The following RMDN2 variants were observed in gnomAD, a reference collection of about 807,000 sequenced individuals.
RMDN2 encodes regulator of microtubule dynamics 2, also known as regulator of microtubule dynamics protein 2.
A neutral mutation model predicts 52.8 loss-of-function variants in RMDN2; 61 were observed. The observed-to-expected ratio is 1.16, with a 90% CI of 0.94 to 1.43. The LOEUF (loss-of-function observed/expected upper bound fraction) is 1.43, where lower values mean the gene tolerates loss of function less well. Ranked by LOEUF, RMDN2 falls within the 40% of genes most tolerant of loss-of-function variation. RMDN2 has a pLI of 0.00. For missense variants in RMDN2, 592 were observed against 475.3 expected, an observed-to-expected ratio of 1.25 and a Z score of -2.28; for synonymous variants, 180 against 153.1, an observed-to-expected ratio of 1.18 and a Z score of -1.30.
chr2:37,966,416 TAAA>T (rs749707294), intron 2 of RMDN2, among the ~76,000 whole-genome samples: 1 of 140,020 alleles, frequency 7.1e-6, no homozygotes. Flanking sequence ...GGCTCTGTCT[TAAA>T]AAAAAAAAAA....
intron 2 of RMDN2, among the ~76,000 whole-genome samples, chr2:37,941,242 T>G (rs922779511): frequency 6.7e-6 from 1 of 149,354 alleles, no homozygotes; most frequent in African/African-American, 2.5e-5. Context: ...ACAGCAAAGA[T>G]TGCTGGCTGC....
At chr2:38,025,495 G>C (rs924539414) in intron 10 of RMDN2, among the ~76,000 whole-genome samples, 1 of 151,932 alleles carries the variant, frequency 6.6e-6, no homozygotes, top group Non-Finnish European at 1.5e-5. Flanking sequence ...GTACAGGCTA[G>C]AACTTTCAAT....
At chr2:37,986,348 G>A (rs1055911118) in intron 5 of RMDN2, among the ~76,000 whole-genome samples, 5 of 152,000 alleles carry the variant, frequency 3.3e-5, no homozygotes, top group Non-Finnish European at 7.4e-5. Flanking sequence ...AGGACCAGAC[G>A]GGGTCATTGG....
chr2:38,060,832 A>C (rs1418394046), intron 10 of RMDN2, among the ~76,000 whole-genome samples: 1 of 152,110 alleles, frequency 6.6e-6, no homozygotes, highest in Non-Finnish European at 1.5e-5. Flanking sequence ...ACACAGCACA[A>C]CACCAGGGGA....
At chr2:37,929,824 T>C (rs1388492947) in intron 2 of RMDN2, 95 bp downstream of exon 2, 1 of 765,796 alleles carries the variant, frequency 1.3e-6, no homozygotes, top group Non-Finnish European at 2.0e-6. Context: ...TCATATATCC[T>C]GCTGCTCACA....
intron 10 of RMDN2, among the ~76,000 whole-genome samples, chr2:38,060,034 A>T (rs935390989): frequency 4.6e-5 from 7 of 152,018 alleles, no homozygotes; most frequent in Admixed American, 2.0e-4. Flanking sequence ...AGTAGCTGGG[A>T]CTACAGGTGT....
intron 10 of RMDN2, among the ~76,000 whole-genome samples, chr2:38,014,049 A>G (rs889921852): frequency 6.6e-6 from 1 of 152,102 alleles, no homozygotes; most frequent in Non-Finnish European, 1.5e-5. Flanking sequence ...TTTACTAAAA[A>G]AAAAAACACA....
chr2:38,003,597 T>TAGGCAGAC (rs1553375360), intron 8 of RMDN2, among the ~76,000 whole-genome samples: 3 of 128,742 alleles, frequency 2.3e-5, no homozygotes, highest in Non-Finnish European at 3.6e-5. Flanking sequence ...GATAGATAGA[T>TAGGCAGAC]AGATAGGCAG....
At chr2:38,003,736 A>G (rs906761282) in intron 8 of RMDN2, among the ~76,000 whole-genome samples, 10 of 152,212 alleles carry the variant, frequency 6.6e-5, no homozygotes, top group Non-Finnish European at 2.9e-5. Context: ...TCTGAAAACC[A>G]TAAAGTATCT....
At chr2:38,055,321 C>G (rs1257105445) in intron 10 of RMDN2, among the ~76,000 whole-genome samples, 2 of 152,066 alleles carry the variant, frequency 1.3e-5, no homozygotes, top group Non-Finnish European at 2.9e-5. Flanking sequence ...AAAACAGACT[C>G]CTCAACCCAG....
At chr2:37,926,508 C>G (rs533525556) in intron 1 of RMDN2, among the ~76,000 whole-genome samples, 1 of 152,200 alleles carries the variant, frequency 6.6e-6, no homozygotes, top group East Asian at 1.9e-4. Context: ...TTTACTAGCA[C>G]CTTACAAATT....
intron 10 of RMDN2, among the ~76,000 whole-genome samples, chr2:38,011,955 C>G (rs988004140): frequency 6.6e-6 from 1 of 152,188 alleles, no homozygotes; most frequent in Non-Finnish European, 1.5e-5. Flanking sequence ...AGTAGCAGCC[C>G]AAGCAACAGA....
In RMDN2 at chr2:37,989,623, C is replaced by CTT. The variant is rs112425530; in HGVS notation, c.867+18_867+19dup. ...CTATGGGCACCTCTTCAAGGTATTT[C>CTT]TTTTTTTTTTTTCATATTTCTTTTC... On this transcript the variant is annotated splice_region_variant and intron_variant, in intron 6 of 10. Transcript: ENST00000354545. 3.0e-3 allele frequency: 3,804 copies of CTT among 1,283,208 alleles called. 1 individual carries two copies. The highest frequency in any genetic ancestry group is 6.7e-3 in the South Asian group (459 of 68,556). The allele number at this position is 1,283,208 out of a possible 1,614,324, so 79.5% of individuals were successfully genotyped here.
intron 5 of RMDN2, among the ~76,000 whole-genome samples, chr2:37,987,036 A>G (rs868589109): frequency 6.6e-6 from 1 of 152,084 alleles, no homozygotes; most frequent in Admixed American, 6.6e-5. Context: ...AAGAAATAAA[A>G]TTGTTTGCAA....
intron 10 of RMDN2, among the ~76,000 whole-genome samples, chr2:38,025,152 CTTAA>C (rs1679682714): frequency 6.6e-6 from 1 of 152,072 alleles, no homozygotes; most frequent in Non-Finnish European, 1.5e-5. Context: ...TAGTATACCT[CTTAA>C]TTTATTTAGG....
At chr2:37,960,128 G>A (rs1176678329) in intron 2 of RMDN2, among the ~76,000 whole-genome samples, 1 of 152,128 alleles carries the variant, frequency 6.6e-6, no homozygotes, top group Non-Finnish European at 1.5e-5. Flanking sequence ...GTTGATTTGG[G>A]GTGGAGAGTT....
chr2:38,062,898 G>A (rs1030085600), intron 10 of RMDN2, among the ~76,000 whole-genome samples: 1 of 151,548 alleles, frequency 6.6e-6, no homozygotes, highest in Non-Finnish European at 1.5e-5. Context: ...ATAGTTTGCT[G>A]AGAATGATGG....
Position 37,931,824 on chromosome 2 carries a change from T to A in RMDN2, c.452+2095T>A, listed in dbSNP as rs573562961. Among the ~76,000 whole-genome samples, 6 of 152,322 alleles carry A rather than the reference T, an allele frequency of 3.9e-5. No homozygotes were observed. In the South Asian group the frequency reaches 1.2e-3, roughly 32 times the overall value. On this transcript the variant is annotated intron_variant, in intron 2 of 10. Transcript: ENST00000354545. ...AGACACGTCAAAACTTCAAGACTGATGTCAGGAGAGACATTCCCTCCTCTT... is the reference window on the plus strand; with the variant it reads ...AGACACGTCAAAACTTCAAGACTGAAGTCAGGAGAGACATTCCCTCCTCTT...
intron 5 of RMDN2, among the ~76,000 whole-genome samples, chr2:37,985,122 T>G (rs1289917471): frequency 2.6e-5 from 4 of 151,830 alleles, no homozygotes; most frequent in African/African-American, 4.8e-5. Context: ...AATCATGGGG[T>G]TTTTTTTCCC....
Sources: gnomAD v4.1 joint callset for allele counts (sites outside exome capture counted in the v4.1 genomes callset) on GRCh38, gnomAD v4.1.1 for gene constraint, MANE v1.5 for transcripts, NCBI Gene and HGNC (gene_info 2026-07-23, HGNC 2026-07-21) for gene names.